Variants in WWC2 observed in about 807,000 individuals in gnomAD.
The protein encoded by WWC2 is protein WWC2.
A neutral mutation model predicts 138.5 loss-of-function variants in WWC2; 101 were observed. The observed-to-expected ratio is 0.73, with a 90% CI of 0.62 to 0.86. The LOEUF (loss-of-function observed/expected upper bound fraction) is 0.86. Ranked by LOEUF, WWC2 falls within the 40% of genes least tolerant of loss-of-function variation. The probability of loss-of-function intolerance (pLI) is 0.00; values close to 1 mark genes in which losing one functional copy is unlikely to be tolerated. For synonymous variants in WWC2, 558 were observed against 538.4 expected, an observed-to-expected ratio of 1.04 and a Z score of -0.50; for missense variants, 1,420 against 1,419.4, an observed-to-expected ratio of 1.00 and a Z score of -0.01.
chr4:183,245,005 G>T (rs950778281), intron 5 of WWC2, among the ~76,000 whole-genome samples: 3 of 152,074 alleles, frequency 2.0e-5, no homozygotes, highest in Admixed American at 2.0e-4. Context: ...GGGCTGAGAC[G>T]TGCGGATCAC....
intron 1 of WWC2, among the ~76,000 whole-genome samples, chr4:183,153,155 T>C (rs1426307167): frequency 6.6e-6 from 1 of 152,232 alleles, no homozygotes; most frequent in East Asian, 1.9e-4. Context: ...TCCTCCTGCG[T>C]TGGCCTTCTA....
chr4:183,146,671 G>GT (rs1366416236), intron 1 of WWC2, among the ~76,000 whole-genome samples: 4 of 152,196 alleles, frequency 2.6e-5, no homozygotes, highest in Non-Finnish European at 1.5e-5. Context: ...AGCCCTTTTA[G>GT]ATGTCTGTCT....
intron 1 of WWC2, among the ~76,000 whole-genome samples, chr4:183,190,746 A>G (rs1734967494): frequency 6.6e-6 from 1 of 152,216 alleles, no homozygotes; most frequent in Non-Finnish European, 1.5e-5. Flanking sequence ...TAGTCTTAGA[A>G]CAGTGACAAT....
chr4:183,191,570 T>C (rs1044269624), intron 1 of WWC2, among the ~76,000 whole-genome samples: 1 of 152,220 alleles, frequency 6.6e-6, no homozygotes, highest in Admixed American at 6.5e-5. Flanking sequence ...CCAGATCTCT[T>C]TGATGCCAAA....
At chr4:183,174,699 A>G (rs1734405462) in intron 1 of WWC2, among the ~76,000 whole-genome samples, 1 of 152,200 alleles carries the variant, frequency 6.6e-6, no homozygotes, top group African/African-American at 2.4e-5. Context: ...AAACAGTAGA[A>G]TGGACACCAT....
rs58418740 is a variant in WWC2, at chr4:183,124,480, A to G, written c.131+24858A>G. Among the ~76,000 whole-genome samples the G allele has an allele frequency of 1.4e-3, 195 of 140,396 alleles. 2 individuals carry two copies. Among genetic ancestry groups the G allele is most frequent in the African/African-American group, 4.8e-3 (181 of 37,370 alleles). 92.1% of individuals were successfully genotyped at this position (140,396 alleles called of 152,430 possible). ...TACAAATGACTCTTTCTAATTCGGT[A>G]CTTTATGCTTTTGTTTTTAGTTTTT... On this transcript the variant is annotated intron_variant, in intron 1 of 22. Coordinates refer to ENST00000403733, the MANE Select transcript of WWC2 (RefSeq NM_024949.6).
intron 2 of WWC2, among the ~76,000 whole-genome samples, chr4:183,199,734 A>G (rs944316143): frequency 3.9e-5 from 6 of 152,198 alleles, no homozygotes; most frequent in Admixed American, 3.9e-4. Context: ...TTCCATGATA[A>G]GCTCTTGTAA....
intron 1 of WWC2, among the ~76,000 whole-genome samples, chr4:183,114,273 C>T (rs1159121057): frequency 6.6e-6 from 1 of 152,174 alleles, no homozygotes; most frequent in Non-Finnish European, 1.5e-5. Flanking sequence ...CTTCCTGAAG[C>T]TCTTCCCAGG....
chr4:183,208,932 T>A lies in WWC2; in HGVS notation c.446-17T>A, dbSNP rs773494208. Reference sequence around the variant, plus strand: ...GCAACTTGTAAATAATTAGTTTTTCTTTTTTCTCTATAAAAGTATTCTCAG... The same window carrying A: ...GCAACTTGTAAATAATTAGTTTTTCATTTTTCTCTATAAAAGTATTCTCAG... On this transcript the variant is annotated splice_polypyrimidine_tract_variant and intron_variant, in intron 3 of 22. Coordinates refer to ENST00000403733, the MANE Select transcript of WWC2 (RefSeq NM_024949.6). The A allele has an allele frequency of 6.6e-7, 1 of 1,511,114 alleles. No homozygotes were observed. The allele number at this position is 1,511,114 out of a possible 1,614,324, so 93.6% of individuals were successfully genotyped here.
At chr4:183,134,634 C>A (rs537333903) in intron 1 of WWC2, among the ~76,000 whole-genome samples, 1 of 152,094 alleles carries the variant, frequency 6.6e-6, no homozygotes, top group Non-Finnish European at 1.5e-5. Context: ...TTTCATCTCT[C>A]TCACCATGAA....
At chr4:183,271,282 T>C (rs772621016) in intron 16 of WWC2, 41 bp downstream of exon 16, 21 of 1,510,244 alleles carry the variant, frequency 1.4e-5, no homozygotes, top group Non-Finnish European at 1.9e-5. Context: ...TAATGTGAAA[T>C]ACATATATGA....
rs1393205693 is a variant in WWC2 at position 183,265,183 on chromosome 4, G to A, written c.2039+76G>A. On this transcript the variant is annotated intron_variant, in intron 12 of 22. Transcript: ENST00000403733. ...GGATGTGGGTTATATGCTGTAAATGGACTGCTACCATTAGTCCGCTCTTTG... is the reference window on the plus strand; with the variant it reads ...GGATGTGGGTTATATGCTGTAAATGAACTGCTACCATTAGTCCGCTCTTTG... 4 of 1,505,882 alleles carry A rather than the reference G, an allele frequency of 2.7e-6. No individual in the cohort carries two copies. The Admixed American group carries it at 6.4e-5, about 24-fold the overall frequency. The allele number at this position is 1,505,882 out of a possible 1,614,324, so 93.3% of individuals were successfully genotyped here.
chr4:183,134,672 T>G (rs1250289746), intron 1 of WWC2, among the ~76,000 whole-genome samples: 1 of 152,188 alleles, frequency 6.6e-6, no homozygotes, highest in Admixed American at 6.5e-5. Flanking sequence ...TTTCACATAA[T>G]TCTCATGATT....
At chr4:183,279,406 A>G (rs982303703) in intron 16 of WWC2, among the ~76,000 whole-genome samples, 18 of 152,212 alleles carry the variant, frequency 1.2e-4, no homozygotes, top group Middle Eastern at 3.4e-3. Context: ...TTTTGGATCA[A>G]TGTTCATCAA....
intron 2 of WWC2, among the ~76,000 whole-genome samples, chr4:183,205,199 A>G (rs148627962): frequency 3.0e-4 from 45 of 152,316 alleles, no homozygotes; most frequent in African/African-American, 8.2e-4. Context: ...GAGAATTCCA[A>G]TTGCACCACA....
At chr4:183,177,956 G>A (rs1317138819) in intron 1 of WWC2, among the ~76,000 whole-genome samples, 2 of 152,190 alleles carry the variant, frequency 1.3e-5, no homozygotes, top group Non-Finnish European at 2.9e-5. Flanking sequence ...ATCACTGAGA[G>A]TCAATGCTGG....
chr4:183,249,166 T>G (rs1023237807), intron 7 of WWC2, among the ~76,000 whole-genome samples: 1 of 152,126 alleles, frequency 6.6e-6, no homozygotes, highest in Admixed American at 6.6e-5. Context: ...ACGTTTAGAG[T>G]CTTGGAAATG....
intron 14 of WWC2, 63 bp downstream of exon 14, chr4:183,266,014 C>G: frequency 7.1e-7 from 1 of 1,417,892 alleles, no homozygotes; most frequent in Non-Finnish European, 9.7e-7. Context: ...GAGAATTTTA[C>G]ACTGTAATCA....
intron 4 of WWC2, among the ~76,000 whole-genome samples, chr4:183,239,085 C>T (rs1424816527): frequency 2.0e-5 from 3 of 152,108 alleles, no homozygotes; most frequent in African/African-American, 4.8e-5. Context: ...GAGGCCGAAG[C>T]GGGTGGATCG....
Sources: allele counts gnomAD v4.1 joint callset (sites outside exome capture counted in the v4.1 genomes callset), GRCh38; gene constraint gnomAD v4.1.1; transcripts MANE v1.5; gene names NCBI Gene and HGNC (gene_info 2026-07-23, HGNC 2026-07-21).